The following PTPRN2 variants were observed in gnomAD, a reference collection of about 807,000 sequenced individuals.
PTPRN2 encodes the protein protein tyrosine phosphatase receptor type N2, also known as receptor-type tyrosine-protein phosphatase N2.
PTPRN2 carries 74 observed loss-of-function variants against 118.8 expected under a neutral mutation model. The ratio of observed to expected loss-of-function variants is 0.62; its 90% confidence interval spans 0.52 to 0.76. The LOEUF (loss-of-function observed/expected upper bound fraction) is 0.76, where lower values mean the gene tolerates loss of function less well. PTPRN2 is among the 30% of genes least tolerant of loss of function. PTPRN2 has a pLI of 0.00. For missense variants in PTPRN2, 1,481 were observed against 1,394.4 expected, an observed-to-expected ratio of 1.06 and a Z score of -0.99; for synonymous variants, 641 against 608.0, an observed-to-expected ratio of 1.05 and a Z score of -0.80.
At position 157,893,174 on chromosome 7, in the gene PTPRN2, A is replaced by G. The variant is rs1008698803; in HGVS notation, c.1788+5499T>C. Among the ~76,000 whole-genome samples, 9 of 152,270 alleles carry G rather than the reference A, an allele frequency of 5.9e-5. No homozygotes were observed. Among genetic ancestry groups the G allele is most frequent in the African/African-American group, 2.2e-4 (9 of 41,480 alleles). On this transcript the variant is annotated intron_variant, in intron 12 of 22. Transcript: ENST00000389418. This position sits in a 1 kb window ranked among gnomAD's most constrained non-coding sequence, Gnocchi z 4.0. ...CAGGGTGAATGAGCTCCTTGTGGCC[A>G]GATCGTAACCAGTGGGTGAAATAAA...
At chr7:157,875,914 T>G (rs1234114648) in intron 12 of PTPRN2, among the ~76,000 whole-genome samples, 2 of 104,508 alleles carry the variant, frequency 1.9e-5, no homozygotes, top group Admixed American at 9.6e-5. Flanking sequence ...ATCCCCAGGG[T>G]GGGCACCGGG....
intron 9 of PTPRN2, among the ~76,000 whole-genome samples, chr7:158,130,413 CAT>C (rs1329290607): frequency 2.7e-5 from 4 of 149,594 alleles, no homozygotes; most frequent in Non-Finnish European, 5.9e-5. Flanking sequence ...CACACACACT[CAT>C]ACACACTCAC....
intron 2 of PTPRN2, among the ~76,000 whole-genome samples, chr7:158,395,407 CGCGAGGG>C (rs1251208225): frequency 2.5e-4 from 4 of 16,314 alleles, no homozygotes; most frequent in Non-Finnish European, 3.5e-4. Context: ...AGGGGCGAGG[CGCGAGGG>C]GTGAGGGGTG....
At position 157,596,408 on chromosome 7, in the gene PTPRN2, C is replaced by T. The variant is rs747623881; in HGVS notation, c.2419-1093G>A. On this transcript the variant is annotated intron_variant, in intron 16 of 22. Transcript: ENST00000389418. This position sits in a 1 kb window ranked among gnomAD's most constrained non-coding sequence, Gnocchi z 4.2. ...GGGCTCTCCGGCTCCCCAGTTTGTC[C>T]GAACGCATCTTGCTAGCTCCAATGG... Among the ~76,000 whole-genome samples, 23 of 152,298 alleles carry T rather than the reference C, an allele frequency of 1.5e-4. No individual in the cohort carries two copies. Among genetic ancestry groups the T allele is most frequent in the East Asian group, 3.9e-4 (2 of 5,194 alleles).
chr7:158,255,319 T>TG (rs1796954530), intron 3 of PTPRN2, among the ~76,000 whole-genome samples: 1 of 152,152 alleles, frequency 6.6e-6, no homozygotes, highest in South Asian at 2.1e-4. Flanking sequence ...CCAAAAGGCC[T>TG]GGTTCAGCCT....
intron 11 of PTPRN2, among the ~76,000 whole-genome samples, chr7:157,994,505 TA>T (rs1258261838): frequency 1.3e-5 from 2 of 150,568 alleles, no homozygotes; most frequent in African/African-American, 2.4e-5. Context: ...TCCTTGTTCC[TA>T]AAATCAGCAC....
At chr7:157,595,156 A>G (rs569798711) in intron 17 of PTPRN2, 82 bp downstream of exon 17, 1 of 1,293,988 alleles carries the variant, frequency 7.7e-7, no homozygotes, top group Admixed American at 1.7e-5. Flanking sequence ...TGATTGGCCT[A>G]ATCAGATTCA....
At position 157,586,447 on chromosome 7, in the gene PTPRN2, C is replaced by T. The variant is rs867357411; in HGVS notation, c.2497-8307G>A. 3.9e-5 allele frequency among the ~76,000 whole-genome samples: 6 copies of T among 152,336 alleles called. No homozygotes were observed. In the Middle Eastern group the frequency reaches 0.01, roughly 259 times the overall value. ...CACCCACACTAGGGAGCTGCAGGGA[C>T]TGGGGGACATTCTCATGCTTTTGGA... On this transcript the variant is annotated intron_variant, in intron 17 of 22. Transcript: ENST00000389418.
chr7:158,279,088 T>A (rs1295904331), intron 3 of PTPRN2, among the ~76,000 whole-genome samples: 1 of 152,158 alleles, frequency 6.6e-6, no homozygotes, highest in African/African-American at 2.4e-5. Flanking sequence ...CCCTCCACAC[T>A]GTGGAATGGG....
chr7:158,235,132 C>T (rs1035165231), intron 3 of PTPRN2, among the ~76,000 whole-genome samples: 1 of 143,456 alleles, frequency 7.0e-6, no homozygotes, highest in Non-Finnish European at 1.5e-5. Flanking sequence ...AGCCCTCGGA[C>T]ACTGTGGGTG....
chr7:158,262,120 C>T (rs1586024338), intron 3 of PTPRN2, among the ~76,000 whole-genome samples: 1 of 152,288 alleles, frequency 6.6e-6, no homozygotes, highest in South Asian at 2.1e-4. Context: ...AAGGGTCACA[C>T]CCTCGAGGCC....
At chr7:157,569,334 G>A (rs1214860210) in intron 20 of PTPRN2, among the ~76,000 whole-genome samples, 1 of 152,230 alleles carries the variant, frequency 6.6e-6, no homozygotes, top group African/African-American at 2.4e-5. Flanking sequence ...ATATCTGCAA[G>A]GTGCCTTCTC....
chr7:157,987,645 CA>C lies in PTPRN2; in HGVS notation c.1724-88909del, dbSNP rs1008256250. On this transcript the variant is annotated intron_variant, in intron 11 of 22. Coordinates refer to ENST00000389418, the MANE Select transcript of PTPRN2 (RefSeq NM_002847.5). This position sits in a 1 kb window ranked among gnomAD's most constrained non-coding sequence, Gnocchi z 4.3. ...GCTGGTTTTGTTCACACTGGGTGAA[CA>C]GTTGGAATACAGGTTCCTCGGGCCT... Among the ~76,000 whole-genome samples the C allele has an allele frequency of 9.6e-4, 146 of 152,226 alleles. 2 individuals carry two copies. The highest frequency in any genetic ancestry group is 5.7e-4 in the Non-Finnish European group (39 of 68,012).
intron 2 of PTPRN2, among the ~76,000 whole-genome samples, chr7:158,457,900 C>T (rs1481213231): frequency 6.6e-6 from 1 of 152,174 alleles, no homozygotes; most frequent in Non-Finnish European, 1.5e-5. Flanking sequence ...TTATTTACAC[C>T]CTGAGTGTTC....
At chr7:158,530,386 C>T (rs896838726) in intron 1 of PTPRN2, among the ~76,000 whole-genome samples, 7 of 152,178 alleles carry the variant, frequency 4.6e-5, no homozygotes, top group African/African-American at 1.7e-4. Flanking sequence ...TGGCAATTTG[C>T]GGAGGCTCTG....
At chr7:158,385,720 C>G (rs532981777) in intron 2 of PTPRN2, among the ~76,000 whole-genome samples, 153 of 152,284 alleles carry the variant, frequency 1.0e-3, no homozygotes, top group African/African-American at 3.5e-3. Flanking sequence ...TACGTGATAC[C>G]AGAAAACGGT....
chr7:157,636,960 GAATATTATAACC>G (rs1175457364), intron 14 of PTPRN2, among the ~76,000 whole-genome samples: 1 of 152,120 alleles, frequency 6.6e-6, no homozygotes, highest in African/African-American at 2.4e-5. Context: ...AGAGAAATCG[GAATATTATAACC>G]AGAAAAAGGA....
chr7:157,544,790 G>A (rs1017912551), intron 22 of PTPRN2, among the ~76,000 whole-genome samples: 1 of 152,232 alleles, frequency 6.6e-6, no homozygotes, highest in Non-Finnish European at 1.5e-5. Context: ...AGCCTTGTCT[G>A]GCATCCCTTG....
At chr7:157,938,806 T>C (rs1372493634) in intron 11 of PTPRN2, among the ~76,000 whole-genome samples, 1 of 152,230 alleles carries the variant, frequency 6.6e-6, no homozygotes, top group African/African-American at 2.4e-5. Context: ...GGTGCTTATG[T>C]AGGATGATCC....
Sources: allele counts gnomAD v4.1 joint callset (sites outside exome capture counted in the v4.1 genomes callset), GRCh38; gene constraint gnomAD v4.1.1; non-coding constraint Gnocchi (gnomAD v3.1); transcripts MANE v1.5; gene names NCBI Gene and HGNC (gene_info 2026-07-23, HGNC 2026-07-21).